HDX: variants seen among roughly 807,000 people sequenced by gnomAD.
HDX encodes the protein chromosome X open reading frame 43.
HDX carries 19 observed loss-of-function variants against 45.2 expected under a neutral mutation model. The observed-to-expected ratio is 0.42, with a 90% CI of 0.29 to 0.62. HDX has a LOEUF of 0.62. Ranked by LOEUF, HDX falls within the 20% of genes least tolerant of loss-of-function variation. HDX has a pLI of 0.20. For synonymous variants in HDX, 188 were observed against 172.8 expected (o/e 1.09, Z -0.69); for missense variants, 532 against 493.9 (o/e 1.08, Z -0.73).
chrX:84,499,818 G>A lies in HDX; in HGVS notation c.-110+2524C>T, dbSNP rs749907765. Among the ~76,000 whole-genome samples, 3 of 111,497 alleles carry A rather than the reference G, an allele frequency of 2.7e-5. No individual in the cohort carries two copies. The East Asian group carries it at 8.5e-4, about 32-fold the overall frequency. On this transcript the variant is annotated intron_variant, in intron 1 of 10. Transcript: ENST00000373177. ...GCTCTGCAGAAGAATGCAATTTGAA[G>A]CCTGAAGGATAGGAAAGTGACAACC...
At chrX:84,461,555 G>A (rs2040238266) in intron 4 of HDX, among the ~76,000 whole-genome samples, 1 of 110,632 alleles carries the variant, frequency 9.0e-6, no homozygotes, top group African/African-American at 3.3e-5. Context: ...CAGAAACTAT[G>A]AAATTACTAG....
At chrX:84,373,439 T>G (rs757375009) in intron 5 of HDX, among the ~76,000 whole-genome samples, 53 of 111,112 alleles carry the variant, frequency 4.8e-4, no homozygotes, top group African/African-American at 1.6e-3. Context: ...TACCAAAGCC[T>G]GGCAGAGACA....
At chrX:84,377,476 T>G (rs968793926) in intron 5 of HDX, among the ~76,000 whole-genome samples, 1 of 111,580 alleles carries the variant, frequency 9.0e-6, no homozygotes, top group Non-Finnish European at 1.9e-5. Context: ...AGTAGCTATG[T>G]TGAGGAAAAA....
chrX:84,362,156 G>A (rs926184041), intron 5 of HDX, among the ~76,000 whole-genome samples: 1 of 111,317 alleles, frequency 9.0e-6, no homozygotes, highest in Non-Finnish European at 1.9e-5. Context: ...GAAAAGTAAG[G>A]AGATCACGTA....
At chrX:84,379,824 C>G (rs1379225642) in intron 5 of HDX, among the ~76,000 whole-genome samples, 1 of 109,777 alleles carries the variant, frequency 9.1e-6, no homozygotes, top group Non-Finnish European at 1.9e-5. Context: ...ACTAGAAAAG[C>G]AAGAAAAATC....
chrX:84,470,744 G>C (rs192811288), intron 3 of HDX, among the ~76,000 whole-genome samples: 2 of 111,354 alleles, frequency 1.8e-5, no homozygotes, highest in Admixed American at 1.9e-4. Flanking sequence ...ATTTTTCTGA[G>C]TCATGGATCT....
chrX:84,392,277 G>A (rs1297138426), intron 5 of HDX, among the ~76,000 whole-genome samples: 4 of 110,991 alleles, frequency 3.6e-5, no homozygotes, highest in Admixed American at 9.6e-5. Flanking sequence ...TGTCCTATGC[G>A]CCTGTTTCTA....
intron 5 of HDX, among the ~76,000 whole-genome samples, chrX:84,433,969 A>G (rs2039562311): frequency 9.0e-6 from 1 of 110,688 alleles, no homozygotes; most frequent in Admixed American, 9.7e-5. Flanking sequence ...TGTCTTCTTG[A>G]TTTAATTCTC....
chrX:84,430,852 T>C (rs906233373), intron 5 of HDX, among the ~76,000 whole-genome samples: 8 of 110,543 alleles, frequency 7.2e-5, no homozygotes, highest in Non-Finnish European at 1.5e-4. Context: ...TTTTCTCTCT[T>C]TTTTTTAAAT....
chrX:84,339,768 G>A (rs146799049), intron 7 of HDX, among the ~76,000 whole-genome samples: 9,334 of 110,673 alleles, frequency 0.084, 398 homozygotes, highest in East Asian at 0.26. Context: ...TATCTTTCAC[G>A]TGCATACCCA....
intron 5 of HDX, among the ~76,000 whole-genome samples, chrX:84,386,848 T>G (rs762251514): frequency 8.9e-6 from 1 of 111,941 alleles, no homozygotes; most frequent in South Asian, 3.7e-4. Flanking sequence ...TATTTAATTC[T>G]TTTCTAATTT....
chrX:84,454,481 A>T (rs1478551170), intron 4 of HDX, among the ~76,000 whole-genome samples: 1 of 111,023 alleles, frequency 9.0e-6, no homozygotes, highest in Admixed American at 9.5e-5. Context: ...AAGAGGTGAG[A>T]CACCTCTGCA....
chrX:84,338,210 T>C (rs1223486168), intron 7 of HDX, among the ~76,000 whole-genome samples: 1 of 110,830 alleles, frequency 9.0e-6, no homozygotes, highest in African/African-American at 3.3e-5. Context: ...GGAACTCACA[T>C]ATGACCATAT....
intron 4 of HDX, among the ~76,000 whole-genome samples, chrX:84,453,570 T>C (rs182624774): frequency 1.8e-5 from 2 of 112,126 alleles, no homozygotes; most frequent in Admixed American, 1.9e-4. Context: ...GAGTAGGAAC[T>C]TGAGTTTTGG....
At chrX:84,391,084 C>T (rs781541692) in intron 5 of HDX, among the ~76,000 whole-genome samples, 5 of 111,686 alleles carry the variant, frequency 4.5e-5, no homozygotes, top group African/African-American at 1.6e-4. Context: ...TATTTGTATC[C>T]ATTAATAAAC....
intron 5 of HDX, among the ~76,000 whole-genome samples, chrX:84,403,205 T>C (rs2038744828): frequency 9.9e-6 from 1 of 100,598 alleles, no homozygotes; most frequent in African/African-American, 3.5e-5. Flanking sequence ...GTCAAACTTT[T>C]CAGTAACCTT....
chrX:84,383,938 A>T (rs2038248612), intron 5 of HDX, among the ~76,000 whole-genome samples: 1 of 111,126 alleles, frequency 9.0e-6, no homozygotes, highest in Non-Finnish European at 1.9e-5. Context: ...CATTTTCTTT[A>T]TCTAGTCCAC....
chrX:84,493,731 A>T (rs1302309470), intron 1 of HDX, among the ~76,000 whole-genome samples: 1 of 112,147 alleles, frequency 8.9e-6, no homozygotes, highest in African/African-American at 3.2e-5. Context: ...ATATACACCT[A>T]AAACTATAAA....
At chrX:84,358,968 C>G (rs1454781549) in intron 6 of HDX, among the ~76,000 whole-genome samples, 5 of 111,386 alleles carry the variant, frequency 4.5e-5, no homozygotes, top group African/African-American at 1.3e-4. Flanking sequence ...CTGTTAGCAT[C>G]TCTTCCCAAC....
Sources: gnomAD v4.1 joint callset for allele counts (sites outside exome capture counted in the v4.1 genomes callset) on GRCh38, gnomAD v4.1.1 for gene constraint, MANE v1.5 for transcripts, NCBI Gene and HGNC (gene_info 2026-07-23, HGNC 2026-07-21) for gene names.